Variants in DGKH observed in about 807,000 individuals in gnomAD.
DGKH encodes diacylglycerol kinase eta.
In DGKH, 90 loss-of-function variants were observed where a neutral mutation model predicts 159.3. The observed-to-expected ratio is 0.57, with a 90% CI of 0.48 to 0.67. The LOEUF (loss-of-function observed/expected upper bound fraction) is 0.67. Among genes scored for constraint, DGKH ranks in the 30% least tolerant of loss-of-function variants. The probability of loss-of-function intolerance (pLI) is 0.00; values close to 1 mark genes in which losing one functional copy is unlikely to be tolerated. For synonymous variants in DGKH, 536 were observed against 553.8 expected, an observed-to-expected ratio of 0.97 and a Z score of 0.45; for missense variants, 1,181 against 1,506.1, an observed-to-expected ratio of 0.78 and a Z score of 3.57.
At chr13:42,088,951 G>A (rs1954361369) in intron 1 of DGKH, among the ~76,000 whole-genome samples, 1 of 152,030 alleles carries the variant, frequency 6.6e-6, no homozygotes, top group Admixed American at 6.6e-5. Context: ...AAATCAAAAG[G>A]AAAAACTAGA....
At chr13:42,042,955 G>GA (rs1319700330) in intron 1 of DGKH, among the ~76,000 whole-genome samples, 2 of 152,166 alleles carry the variant, frequency 1.3e-5, no homozygotes, top group Admixed American at 1.3e-4. Context: ...ATACATTAGG[G>GA]AAAAAAGTAG....
chr13:42,148,278 A>T (rs74054511), intron 3 of DGKH, among the ~76,000 whole-genome samples: 13,979 of 152,140 alleles, frequency 0.092, 1,490 homozygotes, highest in African/African-American at 0.26. Context: ...TGTTATAATT[A>T]CTCCATAAAT....
intron 29 of DGKH, among the ~76,000 whole-genome samples, chr13:42,225,927 A>G (rs1260959489): frequency 3.9e-5 from 6 of 152,132 alleles, no homozygotes; most frequent in Non-Finnish European, 8.8e-5. Flanking sequence ...AGCAATTGCA[A>G]CAAAAGCCAA....
In DGKH at chr13:42,076,584, G is replaced by A. The variant is rs1227885703; in HGVS notation, c.192+27619G>A. Among the ~76,000 whole-genome samples, 3 of 152,196 alleles carry A rather than the reference G, an allele frequency of 2.0e-5. No homozygotes were observed. The East Asian group carries it at 5.8e-4, about 29-fold the overall frequency. On this transcript the variant is annotated intron_variant, in intron 1 of 29. Coordinates refer to ENST00000337343, the MANE Select transcript of DGKH (RefSeq NM_178009.5). ...TTCCAGAAATCTTACTGCTATTCAA[G>A]TTTAGGTTAACCCCTTTTTGTCTGC...
chr13:42,193,641 C>T (rs186123143), intron 16 of DGKH, among the ~76,000 whole-genome samples: 25 of 152,176 alleles, frequency 1.6e-4, no homozygotes, highest in African/African-American at 5.8e-4. Flanking sequence ...GTCATTAGTA[C>T]GCTCTCTGCT....
At chr13:42,201,280 C>T (rs9533032) in intron 20 of DGKH, among the ~76,000 whole-genome samples, 17,356 of 152,174 alleles carry the variant, frequency 0.11, 1,320 homozygotes, top group South Asian at 0.16. Context: ...TGTGTGCCAC[C>T]GTGCCCAGTT....
In DGKH at chr13:42,206,979, CTTTCTTTCTT is replaced by C. The variant is rs1251815928; in HGVS notation, c.2601+835_2601+844del. Among the ~76,000 whole-genome samples, 5 of 87,114 alleles carry C rather than the reference CTTTCTTTCTT, an allele frequency of 5.7e-5. 1 individual carries two copies. The highest frequency in any genetic ancestry group is 4.2e-4 in the South Asian group (1 of 2,360). 57.2% of individuals were successfully genotyped at this position (87,114 alleles called of 152,430 possible). On this transcript the variant is annotated intron_variant, in intron 21 of 29. Transcript: ENST00000337343. ...ATACCTTTTGGTACTTTTACTTTTT[CTTTCTTTCTT>C]TCTTTCTTTCTTTCTTTCTTTCTTT...
Position 42,237,693 on chromosome 13 carries a change from A to G in DGKH, c.*8505A>G, listed in dbSNP as rs576919578. On this transcript the variant is annotated 3_prime_UTR_variant, in exon 30 of 30. Coordinates refer to ENST00000337343, the MANE Select transcript of DGKH (RefSeq NM_178009.5). ...AGAAGTCAGTAAGAAGGTAGTTCAG[A>G]TGACCTAATCATTCAAGACATTTGA... The G allele has an allele frequency of 5.9e-5, 9 of 152,328 alleles. No homozygotes were observed. The East Asian group carries it at 1.7e-3, about 29-fold the overall frequency. The allele number at this position is 152,328 out of a possible 1,614,324, so 9.4% of individuals were successfully genotyped here.
intron 12 of DGKH, among the ~76,000 whole-genome samples, chr13:42,177,264 T>TA (rs397693966): frequency 6.6e-6 from 1 of 152,040 alleles, no homozygotes; most frequent in Non-Finnish European, 1.5e-5. Flanking sequence ...GTTTTGTACT[T>TA]ATAAAATAGA....
chr13:42,209,528 A>C, intron 23 of DGKH, 63 bp downstream of exon 23: 2 of 1,436,428 alleles, frequency 1.4e-6, no homozygotes, highest in East Asian at 5.1e-5. Flanking sequence ...AAATTGTTAT[A>C]AAAAAATAGA....
rs116825029 is a variant in DGKH at position 42,158,811 on chromosome 13, T to C, written c.623-455T>C. Reference sequence around the variant, plus strand: ...CTGACATTTTCAGACTTATAATCAGTATTTTATATGTATAGAAAAATACAA... The same window carrying C: ...CTGACATTTTCAGACTTATAATCAGCATTTTATATGTATAGAAAAATACAA... On this transcript the variant is annotated intron_variant, in intron 5 of 29. Coordinates refer to ENST00000337343, the MANE Select transcript of DGKH (RefSeq NM_178009.5). 3.1e-3 allele frequency among the ~76,000 whole-genome samples: 466 copies of C among 152,318 alleles called. 2 individuals carry two copies. The highest frequency in any genetic ancestry group is 0.011 in the African/African-American group (454 of 41,564).
intron 1 of DGKH, among the ~76,000 whole-genome samples, chr13:42,067,053 C>T (rs913750119): frequency 1.3e-4 from 19 of 151,830 alleles, no homozygotes; most frequent in African/African-American, 3.9e-4. Flanking sequence ...AACAGAAGCA[C>T]ACATAAAATG....
chr13:42,179,204 T>C (rs1020724637), intron 13 of DGKH, among the ~76,000 whole-genome samples: 33 of 152,208 alleles, frequency 2.2e-4, no homozygotes, highest in Non-Finnish European at 4.3e-4. Flanking sequence ...CTGCAGACTG[T>C]ATTTGGCGGG....
intron 8 of DGKH, 51 bp downstream of exon 8, chr13:42,165,484 T>A (rs1956289290): frequency 9.8e-7 from 1 of 1,024,766 alleles, no homozygotes; most frequent in Non-Finnish European, 1.4e-6. Flanking sequence ...TTAACATTGA[T>A]ATGTATATTT....
At chr13:42,197,002 C>T (rs1213588551) in intron 17 of DGKH, among the ~76,000 whole-genome samples, 1 of 152,020 alleles carries the variant, frequency 6.6e-6, no homozygotes, top group African/African-American at 2.4e-5. Context: ...GCCTGTAATC[C>T]CAGCATTTTG....
At chr13:42,098,189 A>T (rs1312493301) in intron 1 of DGKH, among the ~76,000 whole-genome samples, 1 of 152,238 alleles carries the variant, frequency 6.6e-6, no homozygotes, top group Non-Finnish European at 1.5e-5. Context: ...AATTAATATT[A>T]TAAATTGAAA....
At position 42,242,178 on chromosome 13, in the gene DGKH, A is replaced by T. The variant is rs992925188; in HGVS notation, c.*12990A>T. ...TTCATTTTATCTTTCGATAAAGATAACCAGAAATCATTTGCCTCTTGTTTA... is the reference window on the plus strand; with the variant it reads ...TTCATTTTATCTTTCGATAAAGATATCCAGAAATCATTTGCCTCTTGTTTA... On this transcript the variant is annotated 3_prime_UTR_variant, in exon 30 of 30. Coordinates refer to ENST00000337343, the MANE Select transcript of DGKH (RefSeq NM_178009.5). 2 of 152,260 alleles carry T rather than the reference A, an allele frequency of 1.3e-5. No individual in the cohort carries two copies. The highest frequency in any genetic ancestry group is 1.3e-4 in the Admixed American group (2 of 15,286). 9.4% of individuals were successfully genotyped at this position (152,260 alleles called of 1,614,324 possible).
At position 42,233,203 on chromosome 13, in the gene DGKH, A is replaced by G. The variant is rs1361895380; in HGVS notation, c.*4015A>G. The G allele has an allele frequency of 6.6e-6, 1 of 152,252 alleles. No individual in the cohort carries two copies. The highest frequency in any genetic ancestry group is 1.5e-5 in the Non-Finnish European group (1 of 68,060). 9.4% of individuals were successfully genotyped at this position (152,252 alleles called of 1,614,324 possible). A position where few individuals can be genotyped will look rare whatever the true frequency, so the allele number is the denominator to read the frequency against. ...ACTACATTTCAAGTGTTCAGTAACC[A>G]TAGTGGACAGTGCAGATGTAGAAAA... is the stretch of plus-strand genomic sequence containing the variant. On this transcript the variant is annotated 3_prime_UTR_variant, in exon 30 of 30. Coordinates refer to ENST00000337343, the MANE Select transcript of DGKH (RefSeq NM_178009.5).
chr13:42,159,171 C>G, intron 5 of DGKH, 95 bp from the exon 6 acceptor site: 1 of 670,862 alleles, frequency 1.5e-6, no homozygotes, highest in Non-Finnish European at 2.4e-6. Context: ...TCCTCCTTCC[C>G]TTTTAAAATT....
Sources: allele counts gnomAD v4.1 joint callset (sites outside exome capture counted in the v4.1 genomes callset), GRCh38; gene constraint gnomAD v4.1.1; transcripts MANE v1.5; gene names NCBI Gene and HGNC (gene_info 2026-07-23, HGNC 2026-07-21).